The following SLC39A5 variants were observed in gnomAD, a reference collection of about 807,000 sequenced individuals.
SLC39A5 encodes solute carrier family 39 member 5.
A neutral mutation model predicts 46.9 loss-of-function variants in SLC39A5; 42 were observed. The ratio of observed to expected loss-of-function variants is 0.90; its 90% CI spans 0.70 to 1.16. SLC39A5 has a LOEUF of 1.16. SLC39A5 is among the 50% of genes most tolerant of loss of function. The pLI, the probability that SLC39A5 is intolerant of heterozygous loss-of-function variation, is 0.00. For synonymous variants in SLC39A5, 311 were observed against 323.1 expected (o/e 0.96, Z 0.40); for missense variants, 677 against 686.8 (o/e 0.99, Z 0.16).
intron 5 of SLC39A5, among the ~76,000 whole-genome samples, chr12:56,233,556 G>A (rs548764729): frequency 1.1e-4 from 17 of 152,186 alleles, no homozygotes; most frequent in Admixed American, 2.0e-4. Flanking sequence ...ATCAGAGCAG[G>A]TGAGCCCATA....
rs766880477 is a variant in SLC39A5, at chr12:56,231,307, C to T, written c.33C>T (p.Ala11=). 5.2e-5 allele frequency: 84 copies of T among 1,611,042 alleles called. No homozygotes were observed. Among genetic ancestry groups the T allele is most frequent in the Non-Finnish European group, 6.5e-5 (77 of 1,178,648 alleles). Residue 11 remains alanine (A), a synonymous_variant, in exon 4 of 13, where the codon GCC becomes GCT. Transcript: ENST00000454355. ...GGTCCCCAGTGAGTCATCTGCTGGC[C>T]GGCTTCTGTGTGTGGGTCGTCTTGG... is the stretch of plus-strand genomic sequence containing the variant. The part of the protein sequence containing the change: MMGSPVSHLL[A]GFCVWVVLGW...
At position 56,237,764 on chromosome 12, in the gene SLC39A5, C is replaced by T. The variant is rs1870976930; in HGVS notation, c.*33C>T. The T allele has an allele frequency of 2.0e-6, 3 of 1,506,920 alleles. No individual in the cohort carries two copies. The highest frequency in any genetic ancestry group is 2.7e-6 in the Non-Finnish European group (3 of 1,130,520). The allele number at this position is 1,506,920 out of a possible 1,614,324, so 93.3% of individuals were successfully genotyped here. On this transcript the variant is annotated 3_prime_UTR_variant, in exon 13 of 13. Transcript: ENST00000454355. ...AGTGGAAAGGGGTCGGGTTGCCCTT[C>T]CTTCCCCCCAACCACAGGAATGGAG...
At chr12:56,232,982 C>T in intron 5 of SLC39A5, 110 bp downstream of exon 5, 1 of 1,163,976 alleles carries the variant, frequency 8.6e-7, no homozygotes, top group Non-Finnish European at 1.2e-6. Flanking sequence ...CCAACGTGGA[C>T]CAAGCGTGGT....
Position 56,231,714 on chromosome 12 carries a change from G to A in SLC39A5, c.287+153G>A, listed in dbSNP as rs549592894. 5.7e-4 allele frequency among the ~76,000 whole-genome samples: 87 copies of A among 152,154 alleles called. 1 individual carries two copies. Among genetic ancestry groups the A allele is most frequent in the Non-Finnish European group, 3.5e-4 (24 of 67,998 alleles). ...TTGGTATCTCTTCAAAACCTCTCAT[G>A]CTTCTATTGCCTTCTCTCTCTTTTC... On this transcript the variant is annotated intron_variant, in intron 4 of 12. Transcript: ENST00000454355.
chr12:56,236,629 G>C lies in SLC39A5; in HGVS notation c.1090G>C (p.Ala364Pro), dbSNP rs754882020. 8.7e-6 allele frequency: 14 copies of C among 1,613,558 alleles called. No individual in the cohort carries two copies. The highest frequency in any genetic ancestry group is 1.2e-5 in the Non-Finnish European group (14 of 1,179,740). Residue 364 changes from alanine (A) to proline (P), a missense_variant, in exon 10 of 13, where the codon GCT becomes CCT. Ala to Pro is a conservative substitution (Grantham distance 27, BLOSUM62 -1). Transcript: ENST00000454355. ...QREKNSQHPPALAPPGHQGHS... is the reference protein window; with the variant it reads ...QREKNSQHPPPLAPPGHQGHS... Reference sequence around the variant, plus strand: ...GGAGAAGAACAGCCAGCACCCACCAGCTCTGGCCCCTCCTGGGCACCAAGG... The same window carrying C: ...GGAGAAGAACAGCCAGCACCCACCACCTCTGGCCCCTCCTGGGCACCAAGG...
At position 56,231,547 on chromosome 12, in the gene SLC39A5, C is replaced by T; in HGVS notation, c.273C>T (p.Asp91=). 1 of 1,563,612 alleles carries T rather than the reference C, an allele frequency of 6.4e-7. No individual in the cohort carries two copies. Among genetic ancestry groups the T allele is most frequent in the Non-Finnish European group, 8.7e-7 (1 of 1,153,464 alleles). The change falls in exon 4 of 13, where the codon GAC becomes GAT. Residue 91 remains aspartate (D), a synonymous_variant. Transcript: ENST00000454355. ...GACGGGCTGCATCCCCAGCTGCAGACAATTCCACACACAGGTACTGACCCC... is the reference window on the plus strand; with the variant it reads ...GACGGGCTGCATCCCCAGCTGCAGATAATTCCACACACAGGTACTGACCCC... ...LTGRAASPAA[D]NSTHRPQNPE...
In SLC39A5 at chr12:56,237,581, C is replaced by T. The variant is rs1870945662; in HGVS notation, c.1480-7C>T. 1.2e-6 allele frequency: 2 copies of T among 1,613,764 alleles called. No individual in the cohort carries two copies. The highest frequency in any genetic ancestry group is 1.7e-6 in the Non-Finnish European group (2 of 1,179,902). ...GCCAGAATCCTGACATCCTCTTTTTCTTTCAGCTACCAGCCCTGCTTCGTC... is the reference window on the plus strand; with the variant it reads ...GCCAGAATCCTGACATCCTCTTTTTTTTTCAGCTACCAGCCCTGCTTCGTC... On this transcript the variant is annotated splice_polypyrimidine_tract_variant and splice_region_variant and intron_variant, in intron 12 of 12. Coordinates refer to ENST00000454355, the MANE Select transcript of SLC39A5 (RefSeq NM_173596.3).
In SLC39A5 at chr12:56,234,861, T is replaced by G; in HGVS notation, c.509T>G (p.Leu170Trp). ...NGSQLLVNFG[L>W]SPAAPLTPRQ... is the part of the protein sequence containing the mutation. ...TCCCAGCTGCTGGTCAATTTTGGCT[T>G]GAGCCCCGCTGCTCCTCTGACCCCT... Residue 170 changes from leucine (L) to tryptophan (W), a missense_variant, in exon 6 of 13, where the codon TTG (leucine) becomes TGG (tryptophan). Transcript: ENST00000454355. 1 of 1,613,746 alleles carries G rather than the reference T, an allele frequency of 6.2e-7. No individual in the cohort carries two copies. Among genetic ancestry groups the G allele is most frequent in the Non-Finnish European group, 8.5e-7 (1 of 1,180,042 alleles).
chr12:56,237,365 G>T, intron 12 of SLC39A5, 25 bp downstream of exon 12: 2 of 1,563,720 alleles, frequency 1.3e-6, no homozygotes, highest in Non-Finnish European at 1.7e-6. Context: ...GTAGAGCAGA[G>T]AAATCAAGGG....
chr12:56,236,165 G>C lies in SLC39A5; in HGVS notation c.946-231G>C, dbSNP rs533552364. On this transcript the variant is annotated intron_variant, in intron 8 of 12. Transcript: ENST00000454355. The stretch of plus-strand genomic sequence containing the variant: ...CTATCGGCTAACAGGGAGTGGGTAG[G>C]GGCTCCTTAAGCACAGACCCAGGAC... 3.9e-5 allele frequency among the ~76,000 whole-genome samples: 6 copies of C among 152,288 alleles called. No individual in the cohort carries two copies. The East Asian group carries it at 7.7e-4, about 20-fold the overall frequency.
chr12:56,237,642 C>A lies in SLC39A5; in HGVS notation c.1534C>A (p.Gln512Lys). ...CCTGCCTACGCCCCATGTGCTCCTGCAGGGGCTGGGGCTGCTGCTGGGGGG... is the reference window on the plus strand; with the variant it reads ...CCTGCCTACGCCCCATGTGCTCCTGAAGGGGCTGGGGCTGCTGCTGGGGGG... ...EPLPTPHVLLQGLGLLLGGGL... is the reference protein window; with the variant it reads ...EPLPTPHVLLKGLGLLLGGGL... The change falls in exon 13 of 13, where the codon CAG becomes AAG. Residue 512 changes from glutamine (Q) to lysine (K), a missense_variant. Transcript: ENST00000454355. 1 of 1,612,680 alleles carries A rather than the reference C, an allele frequency of 6.2e-7. No individual in the cohort carries two copies. The highest frequency in any genetic ancestry group is 1.1e-5 in the South Asian group (1 of 90,958).
intron 7 of SLC39A5, 30 bp downstream of exon 7, chr12:56,235,356 G>A: frequency 6.6e-7 from 1 of 1,506,666 alleles, no homozygotes; most frequent in Non-Finnish European, 8.8e-7. Flanking sequence ...TGTACCCCTG[G>A]CCTCCATGGA....
At chr12:56,237,456 G>A in intron 12 of SLC39A5, 116 bp downstream of exon 12, 2 of 1,541,140 alleles carry the variant, frequency 1.3e-6, no homozygotes, top group Admixed American at 1.8e-5. Context: ...TCAGACCATA[G>A]GCCCGCAAAA....
rs1870854281 is a variant in SLC39A5, at chr12:56,236,990, C to T, written c.1267C>T (p.His423Tyr). ...GLSTTLAVFCHELPHELGDFA... is the reference protein window; with the variant it reads ...GLSTTLAVFCYELPHELGDFA... Reference sequence around the variant, plus strand: ...CAGTACCACCTTAGCGGTCTTCTGCCATGAGCTGCCCCACGAACTGGGTAG... The same window carrying T: ...CAGTACCACCTTAGCGGTCTTCTGCTATGAGCTGCCCCACGAACTGGGTAG... Residue 423 changes from histidine to tyrosine, a missense_variant, in exon 11 of 13, where the codon CAT becomes TAT. Transcript: ENST00000454355. 1 of 1,614,106 alleles carries T rather than the reference C, an allele frequency of 6.2e-7. No individual in the cohort carries two copies. Among genetic ancestry groups the T allele is most frequent in the South Asian group, 1.1e-5 (1 of 91,074 alleles).
chr12:56,236,664 T>C lies in SLC39A5; in HGVS notation c.1125T>C (p.His375=). Residue 375 remains histidine, a synonymous_variant, in exon 10 of 13, where the codon CAT becomes CAC. Coordinates refer to ENST00000454355, the MANE Select transcript of SLC39A5 (RefSeq NM_173596.3). ...LAPPGHQGHS[H]GHQGGTDITW... is the part of the protein sequence containing the mutation. ...CTCCTGGGCACCAAGGCCACAGTCA[T>C]GGGCACCAGGGTGGCACTGATATCA... The C allele has an allele frequency of 6.2e-7, 1 of 1,613,758 alleles. No homozygotes were observed. Among genetic ancestry groups the C allele is most frequent in the East Asian group, 2.2e-5 (1 of 44,852 alleles).
rs1052700960 is a variant in SLC39A5 at position 56,235,691 on chromosome 12, G to A, written c.936G>A (p.Gly312=). 1.2e-6 allele frequency: 2 copies of A among 1,613,866 alleles called. No homozygotes were observed. The highest frequency in any genetic ancestry group is 1.7e-6 in the Non-Finnish European group (2 of 1,180,032). ...TGCTGGGGCTTTTGCGGCACCGAGG[G>A]CTCAGGCCAGTGAGTGATACCCTTT... is the stretch of plus-strand genomic sequence containing the variant. ...ENMLGLLRHR[G]LRPRCCRRKR... The change falls in exon 8 of 13, where the codon GGG becomes GGA. Residue 312 remains glycine, a synonymous_variant. Transcript: ENST00000454355.
rs1870901842 is a variant in SLC39A5 at position 56,237,293 on chromosome 12, T to A, written c.1432T>A (p.Phe478Ile). ...CCCTGTCCCCCTCACTCCCTGGGTG[T>A]TTGGGGTCACTGCTGGGGTCTTCCT... The part of the protein sequence containing the change: ...LGPVPLTPWV[F>I]GVTAGVFLYV... The change falls in exon 12 of 13, where the codon TTT becomes ATT. Residue 478 changes from phenylalanine to isoleucine, a missense_variant. Phe to Ile is a conservative substitution (Grantham distance 21). Coordinates refer to ENST00000454355, the MANE Select transcript of SLC39A5 (RefSeq NM_173596.3). 1 of 1,612,496 alleles carries A rather than the reference T, an allele frequency of 6.2e-7. No individual in the cohort carries two copies. The highest frequency in any genetic ancestry group is 1.3e-5 in the African/African-American group (1 of 74,954).
intron 6 of SLC39A5, 49 bp downstream of exon 6, chr12:56,235,035 G>A: frequency 6.2e-7 from 1 of 1,605,478 alleles, no homozygotes; most frequent in East Asian, 2.2e-5. Context: ...TGGAAGTGGG[G>A]CCCATGCCAA....
Position 56,235,706 on chromosome 12 carries a change from T to TGATA in SLC39A5, c.945+7_945+10dup, listed in dbSNP as rs1870684537. On this transcript the variant is annotated splice_region_variant and intron_variant, in intron 8 of 12. Coordinates refer to ENST00000454355, the MANE Select transcript of SLC39A5 (RefSeq NM_173596.3). ...GGCACCGAGGGCTCAGGCCAGTGAG[T>TGATA]GATACCCTTTTCTCCTCCTTCTGCT... 9 of 1,613,518 alleles carry TGATA rather than the reference T, an allele frequency of 5.6e-6. No homozygotes were observed. The highest frequency in any genetic ancestry group is 1.6e-4 in the Middle Eastern group (1 of 6,084).
Sources: allele counts gnomAD v4.1 joint callset (sites outside exome capture counted in the v4.1 genomes callset), GRCh38; gene constraint gnomAD v4.1.1; transcripts MANE v1.5; gene names NCBI Gene and HGNC (gene_info 2026-07-23, HGNC 2026-07-21).